The following LRP2BP variants were observed in gnomAD, a reference collection of about 807,000 sequenced individuals.
The protein encoded by LRP2BP is LRP2-binding protein.
In LRP2BP, 38 loss-of-function variants were observed where a neutral mutation model predicts 45.2. That is an observed-to-expected ratio of 0.84 (90% CI 0.65 to 1.10). LRP2BP has a LOEUF of 1.10. Among genes scored for constraint, LRP2BP ranks in the 50% least tolerant of loss-of-function variants. LRP2BP has a pLI of 0.00. For missense variants in LRP2BP, 385 were observed against 418.9 expected (o/e 0.92, Z 0.71); for synonymous variants, 153 against 153.9 (o/e 0.99, Z 0.04).
At chr4:185,389,863 A>G (rs376556498) in intron 1 of LRP2BP, among the ~76,000 whole-genome samples, 61 of 149,770 alleles carry the variant, frequency 4.1e-4, no homozygotes, top group African/African-American at 1.5e-3. Context: ...TTAATAAAAG[A>G]GTGTTCAAAA....
At chr4:185,376,443 C>CTTTTTTTTTTTTTTT (rs34024562) in intron 3 of LRP2BP, among the ~76,000 whole-genome samples, 3 of 105,794 alleles carry the variant, frequency 2.8e-5, no homozygotes, top group African/African-American at 3.9e-5. Flanking sequence ...TGCCCAGCTA[C>CTTTTTTTTTTTTTTT]TTTTTTTTTT....
At chr4:185,396,287 C>A (rs2095502430), upstream of LRP2BP, 1 of 152,258 alleles carries the variant, frequency 6.6e-6, no homozygotes, top group Non-Finnish European at 1.5e-5. Flanking sequence ...TTGCGTTCCC[C>A]GGCGCCGAGG....
Position 185,378,200 on chromosome 4 carries a change from T to C in LRP2BP, c.-14A>G. 1.2e-6 allele frequency: 2 copies of C among 1,612,144 alleles called. No individual in the cohort carries two copies. The highest frequency in any genetic ancestry group is 1.7e-6 in the Non-Finnish European group (2 of 1,179,546). On this transcript the variant is annotated 5_prime_UTR_variant, in exon 2 of 9. Transcript: ENST00000505916. Reference sequence around the variant, plus strand: ...GGTCAACTTCATCCTTTTTCTGCAATGTGTATTCTATAAGCAAGAAGAAAA... The same window carrying C: ...GGTCAACTTCATCCTTTTTCTGCAACGTGTATTCTATAAGCAAGAAGAAAA...
At position 185,376,960 on chromosome 4, in the gene LRP2BP, C is replaced by T. The variant is rs779235675; in HGVS notation, c.165G>A (p.Leu55=). The change falls in exon 3 of 9, where the codon CTG becomes CTA. Residue 55 remains leucine (L), a synonymous_variant. Coordinates refer to ENST00000505916, the MANE Select transcript of LRP2BP (RefSeq NM_001377440.1). ...KALQLLKERI[L]KGDTLAYFLR... is the part of the protein sequence containing the mutation. ...GGAAATATGCCAGAGTGTCTCCTTTCAGTATTCTTTCCTTCAAGAGCTGCA... is the reference window on the plus strand; with the variant it reads ...GGAAATATGCCAGAGTGTCTCCTTTTAGTATTCTTTCCTTCAAGAGCTGCA... The T allele has an allele frequency of 2.5e-6, 4 of 1,613,994 alleles. No individual in the cohort carries two copies. In the South Asian group the frequency reaches 4.4e-5, roughly 18 times the overall value.
intron 1 of LRP2BP, among the ~76,000 whole-genome samples, chr4:185,381,803 G>T (rs1406342419): frequency 6.6e-6 from 1 of 152,086 alleles, no homozygotes; most frequent in African/African-American, 2.4e-5. Context: ...GGCTCATCCT[G>T]CATCTTTATA....
chr4:185,386,840 G>A (rs2095473214), intron 1 of LRP2BP, among the ~76,000 whole-genome samples: 1 of 152,210 alleles, frequency 6.6e-6, no homozygotes, highest in Admixed American at 6.5e-5. Context: ...AGGCCACTGA[G>A]CTGAGGACAG....
intron 3 of LRP2BP, 105 bp downstream of exon 3, chr4:185,376,804 G>C: frequency 1.3e-6 from 1 of 744,860 alleles, no homozygotes; most frequent in Non-Finnish European, 2.3e-6. Flanking sequence ...TAATTGGACA[G>C]AATTTCCCTA....
At chr4:185,373,362 A>G (rs768171428) in intron 6 of LRP2BP, among the ~76,000 whole-genome samples, 4 of 152,172 alleles carry the variant, frequency 2.6e-5, no homozygotes, top group Non-Finnish European at 5.9e-5. Flanking sequence ...GGGGATCTTC[A>G]GAGTAAGGAT....
intron 2 of LRP2BP, 84 bp downstream of exon 2, chr4:185,377,995 CAT>C: frequency 9.2e-7 from 1 of 1,091,546 alleles, no homozygotes. Flanking sequence ...CAATAAAACA[CAT>C]TATTTCTTGT....
upstream of LRP2BP, chr4:185,396,574 C>CT (rs527814388): frequency 8.3e-4 from 253 of 306,214 alleles, 4 homozygotes; most frequent in East Asian, 0.019. Flanking sequence ...GTGGGGCCGC[C>CT]GCGGGCCCCG....
intron 8 of LRP2BP, 115 bp from the exon 9 acceptor site, chr4:185,367,360 C>G (rs77624707): frequency 3.4e-6 from 3 of 888,534 alleles, no homozygotes; most frequent in Non-Finnish European, 5.1e-6. Flanking sequence ...CAGTGAATTT[C>G]AAGAAAATTT....
upstream of LRP2BP, chr4:185,396,168 G>C (rs1398417204): frequency 1.3e-5 from 2 of 152,398 alleles, no homozygotes; most frequent in African/African-American, 2.4e-5. Context: ...GCGCGGGCCG[G>C]GCTCGGCCGT....
At chr4:185,389,181 T>A (rs2095481207) in intron 1 of LRP2BP, among the ~76,000 whole-genome samples, 1 of 147,738 alleles carries the variant, frequency 6.8e-6, no homozygotes, top group Non-Finnish European at 1.5e-5. Context: ...ACCTGGCCTT[T>A]TTTAATTTTT....
Position 185,386,590 on chromosome 4 carries a change from T to A in LRP2BP, c.-22+8189A>T, listed in dbSNP as rs576275240. Among the ~76,000 whole-genome samples, 5 of 152,252 alleles carry A rather than the reference T, an allele frequency of 3.3e-5. No homozygotes were observed. In the East Asian group the frequency reaches 9.7e-4, roughly 29 times the overall value. ...GGTGGATTCCAGCCATTTCTGTGCT[T>A]TGGAAAAGCTGCCTGATGGTGTTTT... On this transcript the variant is annotated intron_variant, in intron 1 of 8. Transcript: ENST00000505916.
At chr4:185,368,381 C>G (rs1226585987) in intron 8 of LRP2BP, among the ~76,000 whole-genome samples, 1 of 152,138 alleles carries the variant, frequency 6.6e-6, no homozygotes, top group Non-Finnish European at 1.5e-5. Context: ...CATCTTACTG[C>G]CTCACCTTCT....
At position 185,366,759 on chromosome 4, in the gene LRP2BP, C is replaced by T. The variant is rs930681921; in HGVS notation, c.*421G>A. 1 of 152,382 alleles carries T rather than the reference C, an allele frequency of 6.6e-6. No individual in the cohort carries two copies. Among genetic ancestry groups the T allele is most frequent in the African/African-American group, 2.4e-5 (1 of 41,398 alleles). The allele number at this position is 152,382 out of a possible 1,614,324, so 9.4% of individuals were successfully genotyped here. A position where few individuals can be genotyped will look rare whatever the true frequency, so the allele number is the denominator to read the frequency against. ...AATTTAAACATTATTATTCAAAATT[C>T]ACAAAACTAAGAGACAAATTTAAAG... On this transcript the variant is annotated 3_prime_UTR_variant, in exon 9 of 9. Coordinates refer to ENST00000505916, the MANE Select transcript of LRP2BP (RefSeq NM_001377440.1).
At position 185,385,907 on chromosome 4, in the gene LRP2BP, G is replaced by GGC. The variant is rs1554020213; in HGVS notation, c.-21-7701_-21-7700insGC. 9.4e-4 allele frequency among the ~76,000 whole-genome samples: 72 copies of GGC among 76,926 alleles called. 1 individual carries two copies. The highest frequency in any genetic ancestry group is 2.4e-3 in the African/African-American group (67 of 28,192). The allele number at this position is 76,926 out of a possible 152,430, so 50.5% of individuals were successfully genotyped here. On this transcript the variant is annotated intron_variant, in intron 1 of 8. Coordinates refer to ENST00000505916, the MANE Select transcript of LRP2BP (RefSeq NM_001377440.1). ...CAGAGCAAGACTCTGTCTCGGGGAG[G>GGC]GGGGGGGGGAGATAAAGAAATAACA...
At chr4:185,380,140 C>G (rs1275197709) in intron 1 of LRP2BP, among the ~76,000 whole-genome samples, 4 of 152,044 alleles carry the variant, frequency 2.6e-5, no homozygotes, top group Non-Finnish European at 5.9e-5. Flanking sequence ...TAAATATTGC[C>G]TTTTTGATGG....
At chr4:185,375,487 A>AATATGTATAT (rs2095431463) in intron 4 of LRP2BP, 126 bp downstream of exon 4, 2 of 12,010 alleles carry the variant, frequency 1.7e-4, no homozygotes, top group South Asian at 5.6e-3. Flanking sequence ...AAAAAAAAAA[A>AATATGTATAT]ATATATATAT....
Sources: gnomAD v4.1 joint callset for allele counts (sites outside exome capture counted in the v4.1 genomes callset) on GRCh38, gnomAD v4.1.1 for gene constraint, MANE v1.5 for transcripts, NCBI Gene and HGNC (gene_info 2026-07-23, HGNC 2026-07-21) for gene names.